GNAQ: variants seen among roughly 807,000 people sequenced by gnomAD.
GNAQ encodes the protein G protein subunit alpha q, also known as guanine nucleotide-binding protein G(q) subunit alpha.
Under a neutral mutation model 43.9 loss-of-function variants are expected in GNAQ, and 8 were observed. The ratio of observed to expected loss-of-function variants is 0.18; its 90% CI spans 0.11 to 0.33. The LOEUF (loss-of-function observed/expected upper bound fraction) is 0.33. Ranked by LOEUF, GNAQ falls within the 10% of genes least tolerant of loss-of-function variation. The pLI is 1.00. For missense variants in GNAQ, 158 were observed against 450.8 expected (o/e 0.35, Z 5.88); for synonymous variants, 155 against 170.7 (o/e 0.91, Z 0.71).
intron 5 of GNAQ, among the ~76,000 whole-genome samples, chr9:77,745,329 G>C (rs1324975562): frequency 1.3e-5 from 2 of 152,054 alleles, no homozygotes; most frequent in South Asian, 2.1e-4. Context: ...AAAACACCTA[G>C]GAATACCAAA....
Position 77,779,389 on chromosome 9 carries a change from T to G in GNAQ, c.735+15074A>C, listed in dbSNP as rs949519858. 2.6e-5 allele frequency among the ~76,000 whole-genome samples: 4 copies of G among 151,834 alleles called. No individual in the cohort carries two copies. In the East Asian group the frequency reaches 7.7e-4, roughly 29 times the overall value. ...AAATTAAAATACAACTTATCAAAAT[T>G]TGTGGAATACAACAAAATCCATGCT... On this transcript the variant is annotated intron_variant, in intron 5 of 6. Coordinates refer to ENST00000286548, the MANE Select transcript of GNAQ (RefSeq NM_002072.5).
At chr9:78,001,611 G>A (rs1045132502) in intron 1 of GNAQ, among the ~76,000 whole-genome samples, 1 of 150,278 alleles carries the variant, frequency 6.7e-6, no homozygotes, top group African/African-American at 2.5e-5. Flanking sequence ...AAGAAGTCAT[G>A]GATTGAGTTG....
chr9:77,868,226 T>G (rs1011733274), intron 2 of GNAQ, among the ~76,000 whole-genome samples: 18 of 152,222 alleles, frequency 1.2e-4, no homozygotes, highest in Non-Finnish European at 2.4e-4. Flanking sequence ...ATGGTTACAC[T>G]TTTCAAAATA....
At chr9:78,029,363 A>C (rs572549379) in intron 1 of GNAQ, among the ~76,000 whole-genome samples, 62 of 138,538 alleles carry the variant, frequency 4.5e-4, no homozygotes, top group Admixed American at 9.8e-4. Flanking sequence ...TATACACTTA[A>C]AACACTCTTA....
At chr9:77,940,191 G>C (rs1457366732) in intron 1 of GNAQ, among the ~76,000 whole-genome samples, 1 of 152,142 alleles carries the variant, frequency 6.6e-6, no homozygotes, top group Non-Finnish European at 1.5e-5. Context: ...GAAAAAATCT[G>C]AATATTAGCA....
chr9:78,011,949 G>A (rs1466837036), intron 1 of GNAQ, among the ~76,000 whole-genome samples: 1 of 152,076 alleles, frequency 6.6e-6, no homozygotes, highest in African/African-American at 2.4e-5. Context: ...GAGATGGAGT[G>A]GGTTCAGTGC....
At chr9:77,918,045 C>A (rs1828939317) in intron 2 of GNAQ, among the ~76,000 whole-genome samples, 1 of 152,140 alleles carries the variant, frequency 6.6e-6, no homozygotes, top group Admixed American at 6.5e-5. Context: ...GCTAACCAGG[C>A]AGGACTCTCG....
At chr9:77,907,588 A>C (rs955043051) in intron 2 of GNAQ, among the ~76,000 whole-genome samples, 2 of 152,232 alleles carry the variant, frequency 1.3e-5, no homozygotes, top group African/African-American at 4.8e-5. Context: ...AAAATTATTT[A>C]AGTCGATGTG....
chr9:77,896,882 C>A (rs1337432217), intron 2 of GNAQ, among the ~76,000 whole-genome samples: 2 of 152,226 alleles, frequency 1.3e-5, no homozygotes, highest in Non-Finnish European at 2.9e-5. Context: ...ATACTTATTT[C>A]TGTTCCTTCA....
chr9:77,896,174 T>C (rs796625840), intron 2 of GNAQ, among the ~76,000 whole-genome samples: 4 of 152,198 alleles, frequency 2.6e-5, no homozygotes, highest in Non-Finnish European at 5.9e-5. Flanking sequence ...AGTTAATACA[T>C]GATCCCCATT....
chr9:77,975,842 T>A (rs1469790619), intron 1 of GNAQ, among the ~76,000 whole-genome samples: 3 of 152,138 alleles, frequency 2.0e-5, no homozygotes, highest in Admixed American at 2.0e-4. Flanking sequence ...AGCCCCGTTA[T>A]CGGCCTTTTA....
chr9:77,967,207 G>A (rs1285483572), intron 1 of GNAQ, among the ~76,000 whole-genome samples: 3 of 152,154 alleles, frequency 2.0e-5, no homozygotes, highest in African/African-American at 7.2e-5. Flanking sequence ...CCCTGTCCCA[G>A]GTACATGTAT....
intron 2 of GNAQ, among the ~76,000 whole-genome samples, chr9:77,864,944 T>C (rs1456506591): frequency 6.6e-6 from 1 of 152,178 alleles, no homozygotes. Context: ...ATTTTGAGTG[T>C]GCCCTTGTTG....
intron 2 of GNAQ, among the ~76,000 whole-genome samples, chr9:77,819,492 CG>C (rs1827077149): frequency 1.3e-5 from 2 of 152,062 alleles, no homozygotes; most frequent in African/African-American, 4.8e-5. Flanking sequence ...CAGCTGAAGG[CG>C]GCTTTAGACT....
At chr9:78,027,766 A>G (rs967960510) in intron 1 of GNAQ, among the ~76,000 whole-genome samples, 31 of 152,094 alleles carry the variant, frequency 2.0e-4, no homozygotes, top group Middle Eastern at 3.4e-3. Flanking sequence ...AAAAAAAAAA[A>G]AAGACTGGCC....
chr9:77,894,615 G>A (rs1346716518), intron 2 of GNAQ, among the ~76,000 whole-genome samples: 1 of 150,422 alleles, frequency 6.6e-6, no homozygotes, highest in African/African-American at 2.4e-5. Context: ...TAGAGACAAG[G>A]TTTCACCATG....
At chr9:77,760,311 A>T (rs943780097) in intron 5 of GNAQ, among the ~76,000 whole-genome samples, 6 of 151,760 alleles carry the variant, frequency 4.0e-5, no homozygotes, top group Admixed American at 6.6e-5. Context: ...TCCCTGCCTG[A>T]TTCTCCTGCC....
intron 2 of GNAQ, among the ~76,000 whole-genome samples, chr9:77,851,695 T>C (rs951371970): frequency 6.6e-6 from 1 of 152,240 alleles, no homozygotes; most frequent in Non-Finnish European, 1.5e-5. Flanking sequence ...AGTAGGGTCC[T>C]ATCCTGGGGG....
chr9:77,778,607 C>T (rs376221226), intron 5 of GNAQ, among the ~76,000 whole-genome samples: 40 of 151,818 alleles, frequency 2.6e-4, no homozygotes, highest in East Asian at 2.1e-3. Flanking sequence ...TAAATGTGAA[C>T]GGTCTACATA....
Sources: gnomAD v4.1 joint callset for allele counts (sites outside exome capture counted in the v4.1 genomes callset) on GRCh38, gnomAD v4.1.1 for gene constraint, MANE v1.5 for transcripts, NCBI Gene and HGNC (gene_info 2026-07-23, HGNC 2026-07-21) for gene names.